Variants in AXDND1 observed in about 807,000 individuals in gnomAD.
The protein encoded by AXDND1 is axonemal dynein light chain domain containing 1.
In AXDND1, 110 loss-of-function variants were observed where a neutral mutation model predicts 137.5. The observed-to-expected ratio is 0.80, with a 90% confidence interval of 0.69 to 0.94. The LOEUF (loss-of-function observed/expected upper bound fraction) is 0.94. Among genes scored for constraint, AXDND1 ranks in the 40% least tolerant of loss-of-function variants. The pLI is 0.00. For synonymous variants in AXDND1, 414 were observed against 399.7 expected (o/e 1.04, Z -0.43); for missense variants, 1,191 against 1,169.8 (o/e 1.02, Z -0.26).
At chr1:179,466,999 T>A (rs1663287117) in intron 16 of AXDND1, among the ~76,000 whole-genome samples, 1 of 152,134 alleles carries the variant, frequency 6.6e-6, no homozygotes, top group African/African-American at 2.4e-5. Context: ...AGTATCCTGG[T>A]GTTACCAGGA....
At position 179,367,397 on chromosome 1, in the gene AXDND1, C is replaced by A. The variant is rs183733311; in HGVS notation, c.97+791C>A. Among the ~76,000 whole-genome samples the A allele has an allele frequency of 4.1e-3, 625 of 152,168 alleles. 2 individuals carry two copies. The highest frequency in any genetic ancestry group is 0.014 in the African/African-American group (587 of 41,530). ...GGGCGTGGTGGCTCGTGCCTGTAGT[C>A]CCAGCTACTCAGGAGGCTGAGGCAG... On this transcript the variant is annotated intron_variant, in intron 2 of 25. Transcript: ENST00000367618.
At chr1:179,514,487 A>G (rs1271546300) in intron 21 of AXDND1, among the ~76,000 whole-genome samples, 5 of 152,056 alleles carry the variant, frequency 3.3e-5, no homozygotes, top group Non-Finnish European at 7.4e-5. Context: ...GGCCTATCAC[A>G]TGGTCTATCT....
chr1:179,411,081 A>G, intron 11 of AXDND1, 65 bp from the exon 12 acceptor site: 1 of 1,310,550 alleles, frequency 7.6e-7, no homozygotes, highest in Non-Finnish European at 1.0e-6. Context: ...TTCTTTTTTA[A>G]AAAATATATG....
At chr1:179,374,507 T>A (rs973238385) in intron 4 of AXDND1, among the ~76,000 whole-genome samples, 1 of 152,178 alleles carries the variant, frequency 6.6e-6, no homozygotes, top group African/African-American at 2.4e-5. Context: ...ATCATGCTAC[T>A]ATAAAGACAC....
chr1:179,436,065 A>T (rs569521289), intron 15 of AXDND1, among the ~76,000 whole-genome samples: 7 of 152,228 alleles, frequency 4.6e-5, no homozygotes, highest in Non-Finnish European at 1.0e-4. Flanking sequence ...GAAGACATTT[A>T]TGTGGCCAAC....
intron 4 of AXDND1, among the ~76,000 whole-genome samples, chr1:179,372,567 C>CA (rs575043772): frequency 6.7e-6 from 1 of 149,120 alleles, no homozygotes; most frequent in African/African-American, 2.5e-5. Flanking sequence ...GATTAAGAAT[C>CA]AAAGTTGTTT....
At chr1:179,505,402 C>T (rs1572110737) in intron 20 of AXDND1, among the ~76,000 whole-genome samples, 1 of 152,096 alleles carries the variant, frequency 6.6e-6, no homozygotes, top group Non-Finnish European at 1.5e-5. Flanking sequence ...CCTGTAATCC[C>T]AGCATTTTGG....
intron 4 of AXDND1, among the ~76,000 whole-genome samples, chr1:179,376,032 AC>A (rs1319670579): frequency 5.3e-5 from 8 of 152,266 alleles, no homozygotes; most frequent in African/African-American, 1.7e-4. Flanking sequence ...CCCTCAAAGC[AC>A]ACCCTCTCCC....
intron 21 of AXDND1, among the ~76,000 whole-genome samples, chr1:179,513,032 C>G (rs1240487756): frequency 6.6e-6 from 1 of 152,112 alleles, no homozygotes; most frequent in East Asian, 1.9e-4. Flanking sequence ...TTCCTCTTTA[C>G]CAATTTGGGT....
At chr1:179,440,298 A>G (rs540619263) in intron 15 of AXDND1, among the ~76,000 whole-genome samples, 13 of 152,366 alleles carry the variant, frequency 8.5e-5, no homozygotes, top group Non-Finnish European at 1.9e-4. Context: ...TTGTTCAGGT[A>G]TCCCATATGA....
intron 16 of AXDND1, chr1:179,454,556 T>TA (rs1188804736): frequency 6.6e-6 from 1 of 152,198 alleles, no homozygotes; most frequent in Non-Finnish European, 1.5e-5. Context: ...ATAAGAGATT[T>TA]AAAAAATGTA....
chr1:179,493,015 G>A (rs1572069446), intron 20 of AXDND1, 64 bp downstream of exon 20: 13 of 1,096,100 alleles, frequency 1.2e-5, no homozygotes, highest in African/African-American at 9.5e-5. Context: ...GATTTTTGAA[G>A]TTCAATTGAT....
chr1:179,509,170 A>T (rs1024621225), intron 20 of AXDND1, 126 bp from the exon 21 acceptor site: 8 of 612,064 alleles, frequency 1.3e-5, no homozygotes, highest in Non-Finnish European at 2.3e-5. Context: ...AACTCTTTGA[A>T]CTGAACTGAT....
At chr1:179,516,361 A>G (rs1287183081) in intron 21 of AXDND1, among the ~76,000 whole-genome samples, 1 of 151,782 alleles carries the variant, frequency 6.6e-6, no homozygotes, top group African/African-American at 2.4e-5. Context: ...TCCTTCTTGT[A>G]TCATTTTTTT....
intron 4 of AXDND1, among the ~76,000 whole-genome samples, chr1:179,372,924 C>T (rs2125052971): frequency 6.6e-6 from 1 of 152,236 alleles, no homozygotes; most frequent in South Asian, 2.1e-4. Context: ...CTCAGGTGAT[C>T]CACCCGCCTC....
At chr1:179,416,923 C>T (rs190350619) in intron 12 of AXDND1, among the ~76,000 whole-genome samples, 56 of 152,308 alleles carry the variant, frequency 3.7e-4, no homozygotes, top group Admixed American at 3.2e-3. Context: ...TCAGCTCCTT[C>T]GGCATTTGGA....
At chr1:179,486,961 C>T (rs1666151834) in intron 18 of AXDND1, among the ~76,000 whole-genome samples, 2 of 148,602 alleles carry the variant, frequency 1.3e-5, no homozygotes, top group Admixed American at 6.6e-5. Flanking sequence ...CAAATCCACA[C>T]ATATCAATAC....
intron 16 of AXDND1, chr1:179,450,960 C>G (rs12750591): frequency 0.29 from 44,481 of 152,120 alleles, 6,715 homozygotes; most frequent in Non-Finnish European, 0.31. Context: ...GTATATAATT[C>G]TTTTTATATG....
chr1:179,381,413 G>T lies in AXDND1; in HGVS notation c.582-1287G>T, dbSNP rs71630219. Among the ~76,000 whole-genome samples, 556 of 146,716 alleles carry T rather than the reference G, an allele frequency of 3.8e-3. 5 individuals are homozygous for T. Among genetic ancestry groups the T allele is most frequent in the African/African-American group, 0.013 (528 of 39,438 alleles). The stretch of plus-strand genomic sequence containing the variant: ...GGCTGGAGGGAAGTGGTGCGATCTC[G>T]GCTCACTGCAACCTCCGCCCCTTGG... On this transcript the variant is annotated intron_variant, in intron 6 of 25. Transcript: ENST00000367618.
Sources: gnomAD v4.1 joint callset for allele counts (sites outside exome capture counted in the v4.1 genomes callset) on GRCh38, gnomAD v4.1.1 for gene constraint, MANE v1.5 for transcripts, NCBI Gene and HGNC (gene_info 2026-07-23, HGNC 2026-07-21) for gene names.